Variants in MRPS30 observed in about 807,000 individuals in gnomAD.
MRPS30 encodes the protein mitochondrial ribosomal protein S30, also known as large ribosomal subunit protein mL65.
MRPS30 carries 42 observed loss-of-function variants against 43.8 expected under a neutral mutation model. The ratio of observed to expected loss-of-function variants is 0.96; its 90% confidence interval spans 0.75 to 1.24. MRPS30 has a LOEUF of 1.24. MRPS30 is among the 50% of genes most tolerant of loss of function. MRPS30 has a pLI of 0.00. For synonymous variants in MRPS30, 273 were observed against 228.2 expected, an observed-to-expected ratio of 1.20 and a Z score of -1.77; for missense variants, 638 against 570.0, an observed-to-expected ratio of 1.12 and a Z score of -1.22.
Position 44,809,468 on chromosome 5 carries a change from G to A in MRPS30, c.506G>A (p.Ser169Asn). The A allele has an allele frequency of 3.1e-6, 5 of 1,613,986 alleles. No homozygotes were observed. The highest frequency in any genetic ancestry group is 4.2e-6 in the Non-Finnish European group (5 of 1,180,008). ...RRRRVHRYEE[S>N]EVISLPFLDQ... ...CGGCGCGTGCACCGTTACGAGGAGAGCGAGGTCATATCTTTGCCCTTCCTG... is the reference window on the plus strand; with the variant it reads ...CGGCGCGTGCACCGTTACGAGGAGAACGAGGTCATATCTTTGCCCTTCCTG... Residue 169 changes from serine (S) to asparagine (N), a missense_variant, in exon 1 of 5, where the codon AGC becomes AAC. Ser to Asn is a conservative substitution (Grantham distance 46). Coordinates refer to ENST00000507110, the MANE Select transcript of MRPS30 (RefSeq NM_016640.4).
At chr5:44,812,604 C>T (rs1031072741) in intron 3 of MRPS30, among the ~76,000 whole-genome samples, 8 of 151,678 alleles carry the variant, frequency 5.3e-5, no homozygotes, top group African/African-American at 1.9e-4. Context: ...AAGACTACCA[C>T]TAGAATCAAG....
chr5:44,815,194 G>A lies in MRPS30; in HGVS notation c.1312G>A (p.Glu438Lys), dbSNP rs754613794. 6.3e-7 allele frequency: 1 copy of A among 1,578,286 alleles called. No individual in the cohort carries two copies. Among genetic ancestry groups the A allele is most frequent in the South Asian group, 1.2e-5 (1 of 85,302 alleles). ...AAAAGAAGAAAAATCACAGCTGTTGGAAAACTGAAAAAGCATATTTGATTG... is the reference window on the plus strand; with the variant it reads ...AAAAGAAGAAAAATCACAGCTGTTGAAAAACTGAAAAAGCATATTTGATTG... ...RPKEEKSQLL[E>K]N Residue 438 changes from glutamate to lysine, a missense_variant, in exon 5 of 5, where the codon GAA becomes AAA. Transcript: ENST00000507110.
rs779821592 is a variant in MRPS30, at chr5:44,809,071, G to A, written c.109G>A (p.Ala37Thr). 1 of 1,610,010 alleles carries A rather than the reference G, an allele frequency of 6.2e-7. No homozygotes were observed. Among genetic ancestry groups the A allele is most frequent in the South Asian group, 1.1e-5 (1 of 90,828 alleles). ...TACAGAAACGACCTGCCAAGACGTCGCGGCGACCCCCGTCGCGCGGTACCC... is the reference window on the plus strand; with the variant it reads ...TACAGAAACGACCTGCCAAGACGTCACGGCGACCCCCGTCGCGCGGTACCC... ...TATETTCQDV[A>T]ATPVARYPPI... is the part of the protein sequence containing the mutation. Residue 37 changes from alanine (A) to threonine (T), a missense_variant, in exon 1 of 5, where the codon GCG (alanine) becomes ACG (threonine). Coordinates refer to ENST00000507110, the MANE Select transcript of MRPS30 (RefSeq NM_016640.4).
intron 1 of MRPS30, chr5:44,809,843 G>C (rs1866406): frequency 0.38 from 158,994 of 415,668 alleles, 31,767 homozygotes; most frequent in East Asian, 0.53. Context: ...TGAGTGTTCA[G>C]CCAAATGGAA....
chr5:44,814,796 T>G, intron 4 of MRPS30, 117 bp from the exon 5 acceptor site: 1 of 918,570 alleles, frequency 1.1e-6, no homozygotes. Flanking sequence ...AGGGATTTTG[T>G]TACATAAAGT....
Position 44,811,139 on chromosome 5 carries a change from C to G in MRPS30, c.732C>G (p.Ser244=). 1 of 1,613,872 alleles carries G rather than the reference C, an allele frequency of 6.2e-7. No homozygotes were observed. The highest frequency in any genetic ancestry group is 8.5e-7 in the Non-Finnish European group (1 of 1,179,886). ...DDKPNNQIRI[S]KQLAEFVPLD... The stretch of plus-strand genomic sequence containing the variant: ...AACCAAACAACCAGATTCGAATATC[C>G]AAGCAACTCGCAGAGGTAAGGATTT... The change falls in exon 2 of 5, where the codon TCC becomes TCG. Residue 244 remains serine (S), a synonymous_variant. Coordinates refer to ENST00000507110, the MANE Select transcript of MRPS30 (RefSeq NM_016640.4).
In MRPS30 at chr5:44,808,988, C is replaced by T; in HGVS notation, c.26C>T (p.Pro9Leu). 1.9e-6 allele frequency: 3 copies of T among 1,606,382 alleles called. No individual in the cohort carries two copies. The highest frequency in any genetic ancestry group is 1.7e-6 in the Non-Finnish European group (2 of 1,176,854). The change falls in exon 1 of 5, where the codon CCT (proline) becomes CTT (leucine). Residue 9 changes from proline (P) to leucine (L), a missense_variant. Coordinates refer to ENST00000507110, the MANE Select transcript of MRPS30 (RefSeq NM_016640.4). MAAARCWR[P>L]LLRGPRLSLH... ...ATGGCGGCGGCCAGGTGTTGGAGGC[C>T]TTTGCTACGCGGTCCGAGGCTTTCA...
chr5:44,812,997 T>G, intron 3 of MRPS30, 109 bp from the exon 4 acceptor site: 3 of 916,040 alleles, frequency 3.3e-6, no homozygotes, highest in Non-Finnish European at 5.0e-6. Flanking sequence ...TTTAGAGTAC[T>G]GAGAATATGA....
chr5:44,811,254 G>T, intron 2 of MRPS30, 100 bp downstream of exon 2: 3 of 1,348,068 alleles, frequency 2.2e-6, no homozygotes, highest in African/African-American at 1.5e-5. Flanking sequence ...GTTTCAGGTG[G>T]ATCTCTTGCC....
intron 4 of MRPS30, 42 bp downstream of exon 4, chr5:44,813,324 A>G: frequency 6.7e-7 from 1 of 1,499,116 alleles, no homozygotes. Context: ...AGGTATTTGT[A>G]ACATTCTAAG....
chr5:44,813,358 T>C (rs1376868874), intron 4 of MRPS30, 76 bp downstream of exon 4: 7 of 1,310,920 alleles, frequency 5.3e-6, no homozygotes, highest in Non-Finnish European at 7.1e-6. Context: ...AAATTTTTTC[T>C]TTGGGTTAAA....
At position 44,811,036 on chromosome 5, in the gene MRPS30, G is replaced by A. The variant is rs1182341872; in HGVS notation, c.629G>A (p.Trp210Ter). 6.2e-7 allele frequency: 1 copy of A among 1,613,910 alleles called. No homozygotes were observed. Among genetic ancestry groups the A allele is most frequent in the African/African-American group, 1.3e-5 (1 of 75,022 alleles). ...TATAGATGCCCAGTTCATTTTTACT[G>A]GGTGCGTGGTGAAGAAATTATTCCT... Reference protein sequence around the residue: ...LDYRCPVHFYWVRGEEIIPRG... With the variant: ...LDYRCPVHFY Residue 210 changes from tryptophan (W) to a stop codon, truncating the protein, a stop_gained, in exon 2 of 5, where the codon TGG becomes TAG. Coordinates refer to ENST00000507110, the MANE Select transcript of MRPS30 (RefSeq NM_016640.4). LOFTEE classifies it high-confidence loss of function.
At chr5:44,813,316 G>T in intron 4 of MRPS30, 34 bp downstream of exon 4, 1 of 1,521,038 alleles carries the variant, frequency 6.6e-7, no homozygotes, top group South Asian at 1.3e-5. Context: ...TTCTTTGAAG[G>T]TATTTGTAAC....
rs201694963 is a variant in MRPS30, at chr5:44,809,175, C to T, written c.213C>T (p.His71=). Residue 71 remains histidine, a synonymous_variant, in exon 1 of 5, where the codon CAC becomes CAT. Coordinates refer to ENST00000507110, the MANE Select transcript of MRPS30 (RefSeq NM_016640.4). The part of the protein sequence containing the change: ...RRIERWQATV[H]AAESVDEKLR... ...TCGAGCGCTGGCAGGCGACGGTGCACGCTGCGGAGTCGGTAGACGAGAAGC... is the reference window on the plus strand; with the variant it reads ...TCGAGCGCTGGCAGGCGACGGTGCATGCTGCGGAGTCGGTAGACGAGAAGC... 5 of 1,612,100 alleles carry T rather than the reference C, an allele frequency of 3.1e-6. No individual in the cohort carries two copies. The African/African-American group carries it at 5.3e-5, about 17-fold the overall frequency.
In MRPS30 at chr5:44,809,229, G is replaced by T; in HGVS notation, c.267G>T (p.Met89Ile). Residue 89 changes from methionine (M) to isoleucine (I), a missense_variant, in exon 1 of 5, where the codon ATG becomes ATT. Met to Ile is a conservative substitution (Grantham distance 10). Coordinates refer to ENST00000507110, the MANE Select transcript of MRPS30 (RefSeq NM_016640.4). ...KLRILTKMQF[M>I]KYMVYPQTFA... ...GAATCCTCACCAAGATGCAGTTTAT[G>T]AAGTACATGGTTTACCCGCAGACCT... 1 of 1,613,670 alleles carries T rather than the reference G, an allele frequency of 6.2e-7. No individual in the cohort carries two copies. Among genetic ancestry groups the T allele is most frequent in the African/African-American group, 1.3e-5 (1 of 75,046 alleles).
chr5:44,809,330 C>T lies in MRPS30; in HGVS notation c.368C>T (p.Ala123Val). 2 of 1,611,136 alleles carry T rather than the reference C, an allele frequency of 1.2e-6. No homozygotes were observed. Among genetic ancestry groups the T allele is most frequent in the South Asian group, 1.1e-5 (1 of 90,828 alleles). ...CTGTCGGGTCTGCCGCCGCCCCCAGCGGAGCCCGAGCCCGAGCCCGAACCC... is the reference window on the plus strand; with the variant it reads ...CTGTCGGGTCTGCCGCCGCCCCCAGTGGAGCCCGAGCCCGAGCCCGAACCC... ...VFLSGLPPPP[A>V]EPEPEPEPEP... Residue 123 changes from alanine (A) to valine (V), a missense_variant, in exon 1 of 5, where the codon GCG becomes GTG. Ala to Val is a moderately conservative substitution (Grantham distance 64). Transcript: ENST00000507110.
chr5:44,812,995 A>C, intron 3 of MRPS30, 111 bp from the exon 4 acceptor site: 1 of 874,322 alleles, frequency 1.1e-6, no homozygotes, highest in Non-Finnish European at 1.8e-6. Flanking sequence ...TATTTAGAGT[A>C]CTGAGAATAT....
rs780700958 is a variant in MRPS30 at position 44,809,105 on chromosome 5, T to A, written c.143T>A (p.Val48Glu). 1 of 1,611,768 alleles carries A rather than the reference T, an allele frequency of 6.2e-7. No homozygotes were observed. The highest frequency in any genetic ancestry group is 2.2e-5 in the East Asian group (1 of 44,850). ...ATPVARYPPI[V>E]ASMTADSKAA... ...CCCGTCGCGCGGTACCCGCCGATTG[T>A]GGCCTCCATGACAGCCGACAGCAAA... Residue 48 changes from valine to glutamate, a missense_variant, in exon 1 of 5, where the codon GTG becomes GAG. Val to Glu is a moderately radical substitution (Grantham distance 121). Coordinates refer to ENST00000507110, the MANE Select transcript of MRPS30 (RefSeq NM_016640.4).
intron 4 of MRPS30, 182 bp downstream of exon 4, chr5:44,813,464 A>G (rs1742874965): frequency 2.1e-6 from 1 of 472,018 alleles, no homozygotes; most frequent in African/African-American, 2.0e-5. Flanking sequence ...TTGAAATCTG[A>G]CACTGAGGTA....
Sources: allele counts gnomAD v4.1 joint callset (sites outside exome capture counted in the v4.1 genomes callset), GRCh38; gene constraint gnomAD v4.1.1; transcripts MANE v1.5; gene names NCBI Gene and HGNC (gene_info 2026-07-23, HGNC 2026-07-21).